Variants in KLHL26 observed in about 807,000 individuals in gnomAD.
KLHL26 encodes kelch-like protein 26.
A neutral mutation model predicts 7.1 loss-of-function variants in KLHL26; 4 were observed. The observed-to-expected ratio is 0.56, with a 90% CI of 0.28 to 1.28. The LOEUF (loss-of-function observed/expected upper bound fraction) is 1.28, where lower values mean the gene tolerates loss of function less well. Ranked by LOEUF, KLHL26 falls within the 50% of genes most tolerant of loss-of-function variation. KLHL26 has a pLI of 0.11. For missense variants in KLHL26, 896 were observed against 924.6 expected (o/e 0.97, Z 0.40); for synonymous variants, 465 against 414.1 (o/e 1.12, Z -1.49).
At chr19:18,640,551 A>ATTTTTT (rs56247740) in intron 1 of KLHL26, among the ~76,000 whole-genome samples, 13 of 96,624 alleles carry the variant, frequency 1.3e-4, no homozygotes, top group Admixed American at 2.4e-4. Context: ...CTATGTTTTA[A>ATTTTTT]TTTTTTTTTT....
intron 1 of KLHL26, among the ~76,000 whole-genome samples, chr19:18,641,233 C>T (rs1175129301): frequency 6.6e-6 from 1 of 151,342 alleles, no homozygotes; most frequent in Admixed American, 6.6e-5. Flanking sequence ...TGATGTTGGA[C>T]AGTTTTTCAT....
At chr19:18,652,539 G>C (rs2052271587) in intron 1 of KLHL26, among the ~76,000 whole-genome samples, 2 of 146,626 alleles carry the variant, frequency 1.4e-5, no homozygotes, top group South Asian at 2.2e-4. Flanking sequence ...GCAGAGAGCT[G>C]AGATCACACC....
chr19:18,643,095 G>T (rs1026172677), intron 1 of KLHL26, among the ~76,000 whole-genome samples: 1 of 151,196 alleles, frequency 6.6e-6, no homozygotes, highest in African/African-American at 2.4e-5. Context: ...GCCTCCCAAA[G>T]TGTTGGGATT....
rs376519531 is a variant in KLHL26, at chr19:18,668,540, C to T, written c.1143C>T (p.Asp381=). 3.3e-4 allele frequency: 529 copies of T among 1,593,728 alleles called. No individual in the cohort carries two copies. Among genetic ancestry groups the T allele is most frequent in the Non-Finnish European group, 4.2e-4 (493 of 1,173,368 alleles). Residue 381 remains aspartate, a synonymous_variant, in exon 3 of 3, where the codon GAC becomes GAT. Coordinates refer to ENST00000300976, the MANE Select transcript of KLHL26 (RefSeq NM_018316.3). The part of the protein sequence containing the change: ...LQYRSGEGAV[D]ACYRYDPHLN... ...ACCGCAGCGGCGAGGGCGCAGTGGA[C>T]GCCTGCTACCGCTACGACCCCCACC...
chr19:18,660,447 C>G (rs540838590), intron 1 of KLHL26, among the ~76,000 whole-genome samples: 1 of 152,312 alleles, frequency 6.6e-6, no homozygotes, highest in Non-Finnish European at 1.5e-5. Context: ...TGCGGGTGAC[C>G]GTCACTCGAG....
chr19:18,669,538 C>T lies in KLHL26; in HGVS notation c.*293C>T, dbSNP rs922313697. 5 of 559,288 alleles carry T rather than the reference C, an allele frequency of 8.9e-6. No homozygotes were observed. The highest frequency in any genetic ancestry group is 2.4e-5 in the South Asian group (1 of 41,206). 34.6% of individuals were successfully genotyped at this position (559,288 alleles called of 1,614,324 possible). A position where few individuals can be genotyped will look rare whatever the true frequency, so the allele number is the denominator to read the frequency against. On this transcript the variant is annotated 3_prime_UTR_variant, in exon 3 of 3. Coordinates refer to ENST00000300976, the MANE Select transcript of KLHL26 (RefSeq NM_018316.3). ...TGGCCCCCGAGTCCCCACGGGCTGG[C>T]GGGTGGAATCCCAGGTCTCCAGGGG...
At position 18,669,089 on chromosome 19, in the gene KLHL26, C is replaced by T. The variant is rs371753685; in HGVS notation, c.1692C>T (p.Val564=). The T allele has an allele frequency of 5.6e-6, 9 of 1,612,790 alleles. No individual in the cohort carries two copies. Among genetic ancestry groups the T allele is most frequent in the East Asian group, 2.2e-5 (1 of 44,892 alleles). The change falls in exon 3 of 3, where the codon GTC becomes GTT. Residue 564 remains valine, a synonymous_variant. Transcript: ENST00000300976. ...TGCTGGAGAGGAAGATCTACATCGT[C>T]GGGGGCTACAACTGGCGTCTCAACA... ...CCLLERKIYI[V]GGYNWRLNNV... is the part of the protein sequence containing the mutation.
At chr19:18,660,358 T>G (rs2052379840) in intron 1 of KLHL26, among the ~76,000 whole-genome samples, 1 of 152,128 alleles carries the variant, frequency 6.6e-6, no homozygotes, top group Non-Finnish European at 1.5e-5. Context: ...GGGCAGAGGG[T>G]GCAGCCAGGG....
At chr19:18,653,979 CCA>C (rs2052296419) in intron 1 of KLHL26, among the ~76,000 whole-genome samples, 1 of 119,868 alleles carries the variant, frequency 8.3e-6, no homozygotes, top group Non-Finnish European at 1.8e-5. Context: ...ACCCATCCAC[CCA>C]CGCTTCCATC....
rs2052245230 is a variant in KLHL26, at chr19:18,650,787, G to C, written c.84-13474G>C. ...TTGCTGACCTTTTCTGGGAGTCGTGGCGGACGGAGTGGAGCCGTCTGTCTC... is the reference window on the plus strand; with the variant it reads ...TTGCTGACCTTTTCTGGGAGTCGTGCCGGACGGAGTGGAGCCGTCTGTCTC... On this transcript the variant is annotated intron_variant, in intron 1 of 2. Coordinates refer to ENST00000300976, the MANE Select transcript of KLHL26 (RefSeq NM_018316.3). This position sits in a 1 kb window ranked among gnomAD's most constrained non-coding sequence, Gnocchi z 4.2. Among the ~76,000 whole-genome samples, 1 of 152,228 alleles carries C rather than the reference G, an allele frequency of 6.6e-6. No homozygotes were observed. The highest frequency in any genetic ancestry group is 6.5e-5 in the Admixed American group (1 of 15,284).
rs34034254 is a variant in KLHL26, at chr19:18,639,403, G to GTTTTTTTT, written c.83+2285_83+2292dup. Among the ~76,000 whole-genome samples the GTTTTTTTT allele has an allele frequency of 4.6e-4, 33 of 71,230 alleles. 1 individual carries two copies. Among genetic ancestry groups the GTTTTTTTT allele is most frequent in the Non-Finnish European group, 8.1e-4 (31 of 38,166 alleles). 46.7% of individuals were successfully genotyped at this position (71,230 alleles called of 152,430 possible). On this transcript the variant is annotated intron_variant, in intron 1 of 2. Coordinates refer to ENST00000300976, the MANE Select transcript of KLHL26 (RefSeq NM_018316.3). ...TTCACTCATTTTAATTTATCATTAA[G>GTTTTTTTT]TTTTTTTTTTTTTTTTTTTTTTTTT...
intron 1 of KLHL26, among the ~76,000 whole-genome samples, chr19:18,639,640 C>G: frequency 6.7e-6 from 1 of 148,684 alleles, no homozygotes; most frequent in Middle Eastern, 3.6e-3. Context: ...GAACTGCTGA[C>G]CTCAAGTGAT....
rs761583017 is a variant in KLHL26 at position 18,668,306 on chromosome 19, C to T, written c.909C>T (p.Ala303=). The change falls in exon 3 of 3, where the codon GCC becomes GCT. Residue 303 remains alanine, a synonymous_variant. Transcript: ENST00000300976. ...ACGAGATGCAGTCTCCGCGCACCGC[C>T]GTGCGCTCGGATGTGCCCTCGCTCG... ...RQHEMQSPRT[A]VRSDVPSLVT... The T allele has an allele frequency of 1.4e-5, 23 of 1,611,270 alleles. No individual in the cohort carries two copies. The South Asian group carries it at 1.8e-4, about 12-fold the overall frequency.
At position 18,646,763 on chromosome 19, in the gene KLHL26, C is replaced by G. The variant is rs1032409289; in HGVS notation, c.83+9626C>G. Among the ~76,000 whole-genome samples the G allele has an allele frequency of 2.0e-5, 3 of 152,212 alleles. No individual in the cohort carries two copies. The highest frequency in any genetic ancestry group is 4.8e-5 in the African/African-American group (2 of 41,448). On this transcript the variant is annotated intron_variant, in intron 1 of 2. Transcript: ENST00000300976. The surrounding 1 kb of genome is among the most constrained non-coding windows in gnomAD (Gnocchi z 5.0). ...TGAGGGGATCGTCAATGCCAGCAAG[C>G]CTTGATGTGGCGTGCGTGTGTCAGG...
rs1976631150 is a variant in KLHL26 at position 18,637,072 on chromosome 19, T to C, written c.18T>C (p.Gly6=). 7.2e-7 allele frequency: 1 copy of C among 1,384,056 alleles called. No individual in the cohort carries two copies. The allele number at this position is 1,384,056 out of a possible 1,614,324, so 85.7% of individuals were successfully genotyped here. A position where few individuals can be genotyped will look rare whatever the true frequency, so the allele number is the denominator to read the frequency against. Residue 6 remains glycine (G), a synonymous_variant, in exon 1 of 3, where the codon GGT becomes GGC. Coordinates refer to ENST00000300976, the MANE Select transcript of KLHL26 (RefSeq NM_018316.3). MAESG[G]SSGGAGGGGA... ...GGGGGAAGATGGCGGAGTCCGGCGG[T>C]AGCAGCGGTGGTGCTGGTGGCGGCG...
intron 1 of KLHL26, among the ~76,000 whole-genome samples, 154 bp from the exon 2 acceptor site, chr19:18,664,105 GTC>G (rs1178809388): frequency 6.7e-6 from 1 of 148,414 alleles, no homozygotes; most frequent in Non-Finnish European, 1.5e-5. Context: ...TCTGCTTCCT[GTC>G]TCTGCGGATT....
chr19:18,652,209 C>T (rs893485475), intron 1 of KLHL26, among the ~76,000 whole-genome samples: 2 of 152,042 alleles, frequency 1.3e-5, no homozygotes, highest in African/African-American at 4.8e-5. Flanking sequence ...CTGAGGGCTT[C>T]GCGGTGGATC....
At chr19:18,638,213 G>A (rs998913731) in intron 1 of KLHL26, among the ~76,000 whole-genome samples, 2 of 152,220 alleles carry the variant, frequency 1.3e-5, no homozygotes, top group African/African-American at 4.8e-5. Context: ...TGATGAAGTT[G>A]TTTGATACTT....
chr19:18,641,852 C>T (rs1339264224), intron 1 of KLHL26, among the ~76,000 whole-genome samples: 1 of 152,120 alleles, frequency 6.6e-6, no homozygotes, highest in Non-Finnish European at 1.5e-5. Flanking sequence ...TGGTCTCGAT[C>T]TCTTGACCTT....
Sources: allele counts gnomAD v4.1 joint callset (sites outside exome capture counted in the v4.1 genomes callset), GRCh38; gene constraint gnomAD v4.1.1; non-coding constraint Gnocchi (gnomAD v3.1); transcripts MANE v1.5; gene names NCBI Gene and HGNC (gene_info 2026-07-23, HGNC 2026-07-21).